The following RUFY2 variants were observed in gnomAD, a reference collection of about 807,000 sequenced individuals.
RUFY2 encodes RUN and FYVE domain containing 2, also known as RUN and FYVE domain-containing protein 2.
Under a neutral mutation model 94.4 loss-of-function variants are expected in RUFY2, and 49 were observed. The ratio of observed to expected loss-of-function variants is 0.52; its 90% CI spans 0.41 to 0.66. The LOEUF (loss-of-function observed/expected upper bound fraction) is 0.66, where lower values mean the gene tolerates loss of function less well. Ranked by LOEUF, RUFY2 falls within the 30% of genes least tolerant of loss-of-function variation. The pLI, the probability that RUFY2 is intolerant of heterozygous loss-of-function variation, is 0.00. For missense variants in RUFY2, 541 were observed against 692.8 expected, an observed-to-expected ratio of 0.78 and a Z score of 2.46; for synonymous variants, 255 against 235.7, an observed-to-expected ratio of 1.08 and a Z score of -0.75.
chr10:68,362,578 G>C (rs1312559003), intron 15 of RUFY2, among the ~76,000 whole-genome samples: 1 of 151,464 alleles, frequency 6.6e-6, no homozygotes, highest in Non-Finnish European at 1.5e-5. Context: ...GACTGCTTGA[G>C]GTCAGGAGTT....
At chr10:68,398,962 T>C (rs1260034002) in intron 3 of RUFY2, among the ~76,000 whole-genome samples, 3 of 152,210 alleles carry the variant, frequency 2.0e-5, no homozygotes, top group Non-Finnish European at 4.4e-5. Flanking sequence ...AATTCTGTTT[T>C]TCCTCTTTGT....
intron 12 of RUFY2, chr10:68,378,182 G>A: frequency 1.0e-6 from 1 of 990,220 alleles, no homozygotes; most frequent in Non-Finnish European, 1.2e-6. Flanking sequence ...GGGAGCCATT[G>A]GGCAAAGAGT....
chr10:68,369,678 T>C (rs1252381782), intron 13 of RUFY2, among the ~76,000 whole-genome samples: 2 of 150,992 alleles, frequency 1.3e-5, no homozygotes, highest in African/African-American at 4.9e-5. Context: ...TCCAAGCACT[T>C]TGGGAGGCCA....
rs187032899 is a variant in RUFY2, at chr10:68,387,586, T to C, written c.651-1458A>G. Among the ~76,000 whole-genome samples the C allele has an allele frequency of 7.9e-4, 120 of 152,294 alleles. 1 individual carries two copies. Among genetic ancestry groups the C allele is most frequent in the East Asian group, 9.6e-4 (5 of 5,186 alleles). The stretch of plus-strand genomic sequence containing the variant: ...TTTTTAAGACATAATCATTCTTAGG[T>C]AGACAACTTGAGTTTTTCACAAATA... On this transcript the variant is annotated intron_variant, in intron 7 of 17. Coordinates refer to ENST00000602465, the MANE Select transcript of RUFY2 (RefSeq NM_001330103.2).
chr10:68,402,736 G>A (rs1247915304), intron 2 of RUFY2, among the ~76,000 whole-genome samples: 2 of 143,442 alleles, frequency 1.4e-5, no homozygotes, highest in Non-Finnish European at 3.0e-5. Context: ...AAAAAAAAAA[G>A]AGGAGCATGG....
intron 15 of RUFY2, among the ~76,000 whole-genome samples, chr10:68,362,772 C>A (rs889433751): frequency 6.6e-6 from 1 of 151,792 alleles, no homozygotes. Flanking sequence ...CTAGGCGAGA[C>A]CCTGTCTTTG....
chr10:68,390,584 T>C (rs781631869), intron 7 of RUFY2, among the ~76,000 whole-genome samples: 3 of 152,266 alleles, frequency 2.0e-5, no homozygotes, highest in Non-Finnish European at 2.9e-5. Flanking sequence ...TATTGGATTT[T>C]GTAGACAGTG....
intron 16 of RUFY2, among the ~76,000 whole-genome samples, chr10:68,349,852 AAAT>A (rs1007162227): frequency 4.0e-5 from 6 of 151,698 alleles, no homozygotes; most frequent in African/African-American, 1.5e-4. Context: ...AAAATTTTTT[AAAT>A]AATAATATCA....
downstream of RUFY2, chr10:68,341,718 TATCG>T: frequency 6.3e-7 from 1 of 1,585,930 alleles, no homozygotes; most frequent in Non-Finnish European, 8.6e-7. Context: ...GTTAGCTGCT[TATCG>T]ATGAGTCTCA....
chr10:68,399,803 CAG>C (rs1188890684), intron 3 of RUFY2, among the ~76,000 whole-genome samples: 4 of 151,790 alleles, frequency 2.6e-5, no homozygotes, highest in African/African-American at 9.7e-5. Context: ...TTTTTTGAGA[CAG>C]AGTTTCTCTC....
intron 13 of RUFY2, 151 bp downstream of exon 13, chr10:68,376,702 A>G (rs2048705679): frequency 1.5e-6 from 1 of 656,764 alleles, no homozygotes; most frequent in Non-Finnish European, 2.6e-6. Flanking sequence ...TTACAATTAT[A>G]TTTTCTAAAT....
At chr10:68,388,610 G>C (rs1021767386) in intron 7 of RUFY2, among the ~76,000 whole-genome samples, 4 of 152,112 alleles carry the variant, frequency 2.6e-5, no homozygotes, top group African/African-American at 7.2e-5. Flanking sequence ...GCCACAGTGG[G>C]TGGATGGCCT....
chr10:68,374,207 G>A (rs2048469043), intron 13 of RUFY2, among the ~76,000 whole-genome samples: 1 of 151,640 alleles, frequency 6.6e-6, no homozygotes, highest in South Asian at 2.1e-4. Context: ...AGGCAAAGGT[G>A]GGAGGATCGC....
At chr10:68,364,235 C>T in intron 13 of RUFY2, 122 bp from the exon 14 acceptor site, 1 of 878,652 alleles carries the variant, frequency 1.1e-6, no homozygotes, top group Non-Finnish European at 1.6e-6. Flanking sequence ...ATTTTTCAGA[C>T]ATTTTCTTTC....
At chr10:68,353,248 T>C (rs1014924244) in intron 16 of RUFY2, among the ~76,000 whole-genome samples, 1 of 151,632 alleles carries the variant, frequency 6.6e-6, no homozygotes, top group Non-Finnish European at 1.5e-5. Flanking sequence ...GGAGAATCTC[T>C]TGAAGCCGGG....
intron 1 of RUFY2, chr10:68,406,853 G>A: frequency 6.2e-7 from 1 of 1,611,714 alleles, no homozygotes; most frequent in Non-Finnish European, 8.5e-7. Flanking sequence ...CCCCAAACCT[G>A]AAAAGTCATC....
At chr10:68,353,817 A>G (rs922113453) in intron 16 of RUFY2, among the ~76,000 whole-genome samples, 1 of 151,798 alleles carries the variant, frequency 6.6e-6, no homozygotes, top group African/African-American at 2.4e-5. Flanking sequence ...AATAAATAAA[A>G]TAACATAAAT....
intron 7 of RUFY2, among the ~76,000 whole-genome samples, chr10:68,389,654 C>A (rs1440326008): frequency 6.6e-6 from 1 of 151,732 alleles, no homozygotes; most frequent in Non-Finnish European, 1.5e-5. Flanking sequence ...GTTGGCCAGG[C>A]ATGGTGGCTC....
intron 15 of RUFY2, among the ~76,000 whole-genome samples, chr10:68,358,367 A>T (rs1397579801): frequency 2.0e-5 from 3 of 152,218 alleles, no homozygotes; most frequent in Admixed American, 2.0e-4. Flanking sequence ...TCATTCCAAG[A>T]CATAAAAACA....
Sources: allele counts gnomAD v4.1 joint callset (sites outside exome capture counted in the v4.1 genomes callset), GRCh38; gene constraint gnomAD v4.1.1; transcripts MANE v1.5; gene names NCBI Gene and HGNC (gene_info 2026-07-23, HGNC 2026-07-21).